Variants in FRMD4B observed in about 807,000 individuals in gnomAD.
FRMD4B encodes FERM domain-containing protein 4B.
FRMD4B carries 74 observed loss-of-function variants against 141.5 expected under a neutral mutation model. The observed-to-expected ratio is 0.52, with a 90% CI of 0.43 to 0.63. FRMD4B has a LOEUF of 0.63. Ranked by LOEUF, FRMD4B falls within the 30% of genes least tolerant of loss-of-function variation. The pLI, the probability that FRMD4B is intolerant of heterozygous loss-of-function variation, is 0.00. For synonymous variants in FRMD4B, 506 were observed against 467.9 expected (o/e 1.08, Z -1.05); for missense variants, 1,366 against 1,253.4 (o/e 1.09, Z -1.36).
intron 2 of FRMD4B, among the ~76,000 whole-genome samples, chr3:69,424,001 C>A (rs1210327200): frequency 6.6e-6 from 1 of 152,056 alleles, no homozygotes; most frequent in Non-Finnish European, 1.5e-5. Flanking sequence ...AAGGCAGCTG[C>A]AATGTCCTTG....
chr3:69,481,348 T>A (rs1304045182), intron 1 of FRMD4B, among the ~76,000 whole-genome samples: 2 of 152,148 alleles, frequency 1.3e-5, no homozygotes, highest in Non-Finnish European at 2.9e-5. Context: ...TATTCGGCCA[T>A]CTTGGCACAC....
intron 1 of FRMD4B, among the ~76,000 whole-genome samples, chr3:69,479,544 T>C (rs1706076717): frequency 6.6e-6 from 1 of 152,232 alleles, no homozygotes; most frequent in Non-Finnish European, 1.5e-5. Flanking sequence ...CCCCACTCTC[T>C]TCTGGCTTGT....
chr3:69,228,946 G>C (rs1323923325), intron 7 of FRMD4B, among the ~76,000 whole-genome samples: 2 of 151,278 alleles, frequency 1.3e-5, no homozygotes, highest in East Asian at 3.9e-4. Flanking sequence ...ATTGATTAAA[G>C]GCGACAAGTA....
At chr3:69,242,295 A>G (rs2093390200) in intron 7 of FRMD4B, among the ~76,000 whole-genome samples, 1 of 151,836 alleles carries the variant, frequency 6.6e-6, no homozygotes, top group Non-Finnish European at 1.5e-5. Flanking sequence ...CCCATGGGAG[A>G]TGATATTTTT....
At chr3:69,505,635 G>T (rs1395813621) in intron 1 of FRMD4B, among the ~76,000 whole-genome samples, 1 of 152,060 alleles carries the variant, frequency 6.6e-6, no homozygotes, top group Non-Finnish European at 1.5e-5. Context: ...TTGACCCAAG[G>T]TTTCATAGCA....
chr3:69,388,731 C>T (rs182072360), upstream of FRMD4B, among the ~76,000 whole-genome samples: 36 of 152,298 alleles, frequency 2.4e-4, no homozygotes, highest in East Asian at 4.2e-3. Flanking sequence ...GTCTTTAGCA[C>T]GGTGTCTGGT....
chr3:69,177,064 G>C (rs1377216961), intron 21 of FRMD4B, among the ~76,000 whole-genome samples: 1 of 152,186 alleles, frequency 6.6e-6, no homozygotes, highest in Admixed American at 6.5e-5. Context: ...GGGGCCAGGT[G>C]TGGTGGCTCA....
chr3:69,414,828 T>G (rs1483450697), intron 2 of FRMD4B, among the ~76,000 whole-genome samples: 1 of 151,856 alleles, frequency 6.6e-6, no homozygotes, highest in Non-Finnish European at 1.5e-5. Context: ...TGGCTTCTAT[T>G]GTACTTATGT....
intron 17 of FRMD4B, among the ~76,000 whole-genome samples, chr3:69,192,662 A>G (rs955023714): frequency 6.6e-5 from 10 of 152,238 alleles, no homozygotes; most frequent in African/African-American, 1.9e-4. Flanking sequence ...TTGAAATTTC[A>G]CAACTGTTAG....
Position 69,171,115 on chromosome 3 carries a change from T to C in FRMD4B, c.*746A>G, listed in dbSNP as rs1287670912. The C allele has an allele frequency of 6.6e-6, 1 of 152,176 alleles. No individual in the cohort carries two copies. Among genetic ancestry groups the C allele is most frequent in the African/African-American group, 2.4e-5 (1 of 41,442 alleles). The allele number at this position is 152,176 out of a possible 1,614,324, so 9.4% of individuals were successfully genotyped here. A position where few individuals can be genotyped will look rare whatever the true frequency, so the allele number is the denominator to read the frequency against. ...GAGAAAGGAAAAAGGAGCTCCATGA[T>C]ATTGTACCTTAGAATGTTCTCCAAG... is the stretch of plus-strand genomic sequence containing the variant. On this transcript the variant is annotated 3_prime_UTR_variant, in exon 23 of 23. Transcript: ENST00000398540.
chr3:69,308,883 C>G (rs1247713160), intron 3 of FRMD4B, among the ~76,000 whole-genome samples: 1 of 152,160 alleles, frequency 6.6e-6, no homozygotes, highest in African/African-American at 2.4e-5. Flanking sequence ...CCTCCTAGAT[C>G]CTGTCCTAGC....
rs148627585 is a variant in FRMD4B, at chr3:69,276,163, T to C, written c.501+11589A>G. Reference sequence around the variant, plus strand: ...ATTTGGGCAGTTTCCAGTTTCCTACTATTGGAAATAATGATGTAAAATATG... The same window carrying C: ...ATTTGGGCAGTTTCCAGTTTCCTACCATTGGAAATAATGATGTAAAATATG... On this transcript the variant is annotated intron_variant, in intron 5 of 22. Transcript: ENST00000398540. 1.6e-3 allele frequency among the ~76,000 whole-genome samples: 247 copies of C among 152,352 alleles called. 1 individual carries two copies. The highest frequency in any genetic ancestry group is 5.8e-3 in the African/African-American group (241 of 41,598).
chr3:69,267,075 C>T (rs573398401), intron 5 of FRMD4B, among the ~76,000 whole-genome samples: 1 of 152,312 alleles, frequency 6.6e-6, no homozygotes, highest in East Asian at 1.9e-4. Flanking sequence ...GAGCCCCAGG[C>T]TCATCAAAGT....
intron 1 of FRMD4B, among the ~76,000 whole-genome samples, chr3:69,323,935 C>G (rs993984665): frequency 6.6e-6 from 1 of 152,068 alleles, no homozygotes; most frequent in South Asian, 2.1e-4. Context: ...ACCTTGATTG[C>G]GAAGCCTAAC....
chr3:69,502,105 C>T (rs2107066696), intron 1 of FRMD4B, among the ~76,000 whole-genome samples: 1 of 152,212 alleles, frequency 6.6e-6, no homozygotes, highest in East Asian at 1.9e-4. Flanking sequence ...GGCCATACTG[C>T]CCAAGGTAAT....
chr3:69,176,427 A>C, intron 22 of FRMD4B, 97 bp downstream of exon 22: 1 of 1,040,822 alleles, frequency 9.6e-7, no homozygotes, highest in South Asian at 1.4e-5. Context: ...GAGTTTGCCA[A>C]CCCCTGAACT....
At chr3:69,303,032 C>T (rs922076816) in intron 3 of FRMD4B, among the ~76,000 whole-genome samples, 5 of 152,186 alleles carry the variant, frequency 3.3e-5, no homozygotes, top group African/African-American at 1.2e-4. Context: ...CGAGATTGCA[C>T]CATTGCACTC....
chr3:69,174,537 T>C (rs2092622764), intron 22 of FRMD4B, among the ~76,000 whole-genome samples: 1 of 152,212 alleles, frequency 6.6e-6, no homozygotes, highest in Non-Finnish European at 1.5e-5. Context: ...ATAAATTTTC[T>C]ACCATGAGCT....
At chr3:69,356,480 C>G (rs1472561048) in intron 1 of FRMD4B, among the ~76,000 whole-genome samples, 2 of 151,974 alleles carry the variant, frequency 1.3e-5, no homozygotes, top group African/African-American at 4.8e-5. Flanking sequence ...TTTGGGGACT[C>G]GGACTGGCTC....
Sources: allele counts gnomAD v4.1 joint callset (sites outside exome capture counted in the v4.1 genomes callset), GRCh38; gene constraint gnomAD v4.1.1; transcripts MANE v1.5; gene names NCBI Gene and HGNC (gene_info 2026-07-23, HGNC 2026-07-21).